Variants in KDM4C observed in about 807,000 individuals in gnomAD.
KDM4C encodes the protein lysine-specific demethylase 4C.
In KDM4C, 81 loss-of-function variants were observed where a neutral mutation model predicts 129.3. The observed-to-expected ratio is 0.63, with a 90% CI of 0.52 to 0.75. The LOEUF is 0.75. Ranked by LOEUF, KDM4C falls within the 30% of genes least tolerant of loss-of-function variation. The pLI is 0.00. For missense variants in KDM4C, 1,457 were observed against 1,304.0 expected, an observed-to-expected ratio of 1.12 and a Z score of -1.81; for synonymous variants, 573 against 456.1, an observed-to-expected ratio of 1.26 and a Z score of -3.26.
chr9:6,858,681 G>A (rs1315431894), intron 5 of KDM4C, among the ~76,000 whole-genome samples: 1 of 151,938 alleles, frequency 6.6e-6, no homozygotes, highest in Non-Finnish European at 1.5e-5. Context: ...GCTGTAGCAT[G>A]AGAATCGCTT....
chr9:6,853,279 G>A (rs1011324514), intron 5 of KDM4C, among the ~76,000 whole-genome samples: 1 of 151,964 alleles, frequency 6.6e-6, no homozygotes, highest in African/African-American at 2.4e-5. Context: ...CTTGAGCCCA[G>A]GAGTTCAAGA....
intron 15 of KDM4C, among the ~76,000 whole-genome samples, chr9:7,028,682 C>G (rs1826210013): frequency 6.6e-6 from 1 of 152,038 alleles, no homozygotes; most frequent in Non-Finnish European, 1.5e-5. Flanking sequence ...CCTAGACTGC[C>G]TTTCATGTTT....
chr9:7,170,834 T>G (rs1235477354), intron 21 of KDM4C: 1 of 895,492 alleles, frequency 1.1e-6, no homozygotes, highest in Non-Finnish European at 1.3e-6. Flanking sequence ...ATGTCCAATC[T>G]TTTTGCATCC....
intron 4 of KDM4C, chr9:6,835,420 A>C: frequency 8.6e-7 from 1 of 1,163,454 alleles, no homozygotes; most frequent in East Asian, 2.4e-5. Context: ...GGCGCCCAGC[A>C]CGATGAAGAT....
intron 21 of KDM4C, chr9:7,170,187 G>A: frequency 8.0e-7 from 1 of 1,251,672 alleles, no homozygotes; most frequent in South Asian, 1.7e-5. Flanking sequence ...TAAAACACCA[G>A]GAGCAAACAA....
intron 12 of KDM4C, among the ~76,000 whole-genome samples, chr9:6,996,163 G>A (rs1819706873): frequency 6.6e-6 from 1 of 152,130 alleles, no homozygotes; most frequent in Admixed American, 6.5e-5. Flanking sequence ...TGCCCATTTT[G>A]ATGTGATTCA....
intron 8 of KDM4C, among the ~76,000 whole-genome samples, chr9:6,902,458 C>T (rs540231470): frequency 7.8e-4 from 118 of 152,184 alleles, no homozygotes; most frequent in Non-Finnish European, 1.4e-3. Context: ...TTGGAATTGT[C>T]GTTCTGTGTG....
chr9:6,866,971 TTGTGTG>T (rs369963257), intron 5 of KDM4C, among the ~76,000 whole-genome samples: 20,989 of 125,614 alleles, frequency 0.17, 2,182 homozygotes, highest in Middle Eastern at 0.28. Context: ...AAATATATGT[TTGTGTG>T]TGTGTGTGTG....
rs750415942 is a variant in KDM4C, at chr9:7,076,452, A to G, written c.2425-27233A>G. ...TTTTCAGGGAAGGCTGGGAATCTAG[A>G]CACAGCAACAGTAACAACAACAACA... On this transcript the variant is annotated intron_variant, in intron 17 of 21. Transcript: ENST00000381309. 9 of 1,550,670 alleles carry G rather than the reference A, an allele frequency of 5.8e-6. 1 individual carries two copies. The South Asian group carries it at 1.1e-4, about 18-fold the overall frequency.
chr9:6,839,370 C>T (rs1003920969), intron 4 of KDM4C, among the ~76,000 whole-genome samples: 2 of 150,324 alleles, frequency 1.3e-5, no homozygotes, highest in Admixed American at 6.6e-5. Flanking sequence ...GCTGGGACTA[C>T]AGGCGCTTGC....
chr9:7,046,910 A>C lies in KDM4C; in HGVS notation c.2308A>C (p.Asn770His). The C allele has an allele frequency of 8.2e-6, 13 of 1,583,612 alleles. No individual in the cohort carries two copies. The highest frequency in any genetic ancestry group is 1.1e-5 in the Non-Finnish European group (13 of 1,152,950). ...AGGAGGTGCTCTTAAGCAAACGAAG[A>C]ACAATAAGTAAGTAATACATTAATT... The part of the protein sequence containing the change: ...LRGGALKQTK[N>H]NKWAHVMCAV... The change falls in exon 16 of 22, where the codon AAC becomes CAC. Residue 770 changes from asparagine (N) to histidine (H), a missense_variant. By Grantham distance (68) the Asn-to-His change is moderately conservative. Transcript: ENST00000381309.
intron 4 of KDM4C, among the ~76,000 whole-genome samples, chr9:6,829,758 A>T (rs145588885): frequency 6.6e-6 from 1 of 152,288 alleles, no homozygotes; most frequent in African/African-American, 2.4e-5. Flanking sequence ...TCAGAAGGGC[A>T]TTTCCCCTGC....
At chr9:6,857,922 GTTTTTTTTT>G (rs71487861) in intron 5 of KDM4C, among the ~76,000 whole-genome samples, 13 of 103,118 alleles carry the variant, frequency 1.3e-4, no homozygotes. Context: ...ATCTGGCTAA[GTTTTTTTTT>G]TTTTTTTTTT....
chr9:7,161,177 C>T (rs1227644073), intron 19 of KDM4C, among the ~76,000 whole-genome samples: 1 of 152,156 alleles, frequency 6.6e-6, no homozygotes, highest in East Asian at 1.9e-4. Flanking sequence ...GTTGCTAAGA[C>T]CTTGAGAAAA....
At chr9:6,907,231 A>G (rs1818479069) in intron 8 of KDM4C, among the ~76,000 whole-genome samples, 1 of 152,250 alleles carries the variant, frequency 6.6e-6, no homozygotes, top group South Asian at 2.1e-4. Context: ...ATTTTTAAAA[A>G]GCAATCTTAA....
At chr9:7,035,470 T>C (rs904160926) in intron 15 of KDM4C, among the ~76,000 whole-genome samples, 4 of 151,560 alleles carry the variant, frequency 2.6e-5, no homozygotes, top group East Asian at 1.9e-4. Flanking sequence ...TCCTTTGCTG[T>C]GCAGAAGCTT....
At position 6,864,805 on chromosome 9, in the gene KDM4C, C is replaced by T. The variant is rs1393650469; in HGVS notation, c.629+15105C>T. On this transcript the variant is annotated intron_variant, in intron 5 of 21. Coordinates refer to ENST00000381309, the MANE Select transcript of KDM4C (RefSeq NM_015061.6). The stretch of plus-strand genomic sequence containing the variant: ...GTGGTAATTTTCTATATCTTGTTGG[C>T]AATCTTTTTTTTTAATTTATTTTTT... 1.0e-4 allele frequency among the ~76,000 whole-genome samples: 15 copies of T among 147,512 alleles called. No homozygotes were observed. The Admixed American group carries it at 1.0e-3, about 10-fold the overall frequency.
At chr9:7,050,696 G>GA (rs1564044585) in intron 17 of KDM4C, among the ~76,000 whole-genome samples, 1 of 152,032 alleles carries the variant, frequency 6.6e-6, no homozygotes, top group Non-Finnish European at 1.5e-5. Context: ...CCCTCAGAAG[G>GA]AGTAGTCACT....
At chr9:7,069,761 T>A (rs1282046161) in intron 17 of KDM4C, among the ~76,000 whole-genome samples, 1 of 152,082 alleles carries the variant, frequency 6.6e-6, no homozygotes, top group Non-Finnish European at 1.5e-5. Flanking sequence ...CCTAAATGGG[T>A]AAAGGGAAGG....
Sources: gnomAD v4.1 joint callset for allele counts (sites outside exome capture counted in the v4.1 genomes callset) on GRCh38, gnomAD v4.1.1 for gene constraint, MANE v1.5 for transcripts, NCBI Gene and HGNC (gene_info 2026-07-23, HGNC 2026-07-21) for gene names.